PPM1L: variants seen among roughly 807,000 people sequenced by gnomAD.
PPM1L encodes the protein protein phosphatase 1L.
In PPM1L, 13 loss-of-function variants were observed where a neutral mutation model predicts 31.4. That is an observed-to-expected ratio of 0.41 (90% CI 0.27 to 0.66). The LOEUF is 0.66. Ranked by LOEUF, PPM1L falls within the 30% of genes least tolerant of loss-of-function variation. The pLI is 0.29. For missense variants in PPM1L, 326 were observed against 453.7 expected, an observed-to-expected ratio of 0.72 and a Z score of 2.56; for synonymous variants, 184 against 175.4, an observed-to-expected ratio of 1.05 and a Z score of -0.39.
rs1559897599 is a variant in PPM1L at position 160,945,019 on chromosome 3, T to TAAC, written c.400-16717_400-16716insAAC. 2.0e-4 allele frequency among the ~76,000 whole-genome samples: 9 copies of TAAC among 44,600 alleles called. 2 individuals are homozygous for TAAC. Among genetic ancestry groups the TAAC allele is most frequent in the African/African-American group, 4.2e-4 (7 of 16,610 alleles). 29.3% of individuals were successfully genotyped at this position (44,600 alleles called of 152,430 possible). A position where few individuals can be genotyped will look rare whatever the true frequency, so the allele number is the denominator to read the frequency against. ...TATATAACTATATATAACATATATA[T>TAAC]TATATATAACTATATATAACATATA... is the stretch of plus-strand genomic sequence containing the variant. On this transcript the variant is annotated intron_variant, in intron 1 of 3. Coordinates refer to ENST00000498165, the MANE Select transcript of PPM1L (RefSeq NM_139245.4).
intron 1 of PPM1L, among the ~76,000 whole-genome samples, chr3:160,778,832 G>A (rs763117407): frequency 5.9e-5 from 9 of 152,192 alleles, no homozygotes; most frequent in Non-Finnish European, 1.3e-4. Context: ...CAGAAAACCT[G>A]TCTTGAGAAC....
intron 1 of PPM1L, among the ~76,000 whole-genome samples, chr3:160,916,400 G>A (rs879762950): frequency 4.0e-5 from 6 of 151,896 alleles, no homozygotes; most frequent in South Asian, 2.1e-4. Flanking sequence ...TTTGACCACC[G>A]GAAATTATTA....
At chr3:160,760,333 T>C (rs1015324449) in intron 1 of PPM1L, among the ~76,000 whole-genome samples, 2 of 152,270 alleles carry the variant, frequency 1.3e-5, no homozygotes, top group Non-Finnish European at 2.9e-5. Flanking sequence ...TTAGTTCTCT[T>C]GAGCATATTT....
intron 2 of PPM1L, among the ~76,000 whole-genome samples, chr3:160,965,211 A>T (rs1056884486): frequency 1.4e-4 from 22 of 151,830 alleles, no homozygotes; most frequent in African/African-American, 5.3e-4. Flanking sequence ...AGATCGCGCC[A>T]CTGCACTCAA....
At chr3:160,996,493 C>G (rs1031720630) in intron 2 of PPM1L, among the ~76,000 whole-genome samples, 6 of 152,128 alleles carry the variant, frequency 3.9e-5, no homozygotes, top group African/African-American at 7.2e-5. Context: ...TCACAGCAAC[C>G]TGGATGGAAT....
intron 1 of PPM1L, among the ~76,000 whole-genome samples, chr3:160,891,542 G>C (rs1713142768): frequency 6.6e-6 from 1 of 152,192 alleles, no homozygotes; most frequent in African/African-American, 2.4e-5. Context: ...CTTTTACACT[G>C]TTGGTGGGAG....
At chr3:160,936,625 A>G (rs758829914) in intron 1 of PPM1L, among the ~76,000 whole-genome samples, 2 of 152,222 alleles carry the variant, frequency 1.3e-5, no homozygotes, top group Non-Finnish European at 2.9e-5. Context: ...TATGCCAGTT[A>G]GTTAATGGCA....
chr3:160,797,091 T>C (rs112102693), intron 1 of PPM1L, among the ~76,000 whole-genome samples: 1 of 152,178 alleles, frequency 6.6e-6, no homozygotes, highest in African/African-American at 2.4e-5. Flanking sequence ...TTTAAACAAA[T>C]TGAAGGTTCG....
intron 1 of PPM1L, among the ~76,000 whole-genome samples, chr3:160,920,381 C>A (rs140717160): frequency 1.1e-3 from 167 of 152,192 alleles, no homozygotes; most frequent in African/African-American, 3.9e-3. Flanking sequence ...CTTTCTTGGC[C>A]TTTTCTTTCA....
intron 1 of PPM1L, among the ~76,000 whole-genome samples, chr3:160,879,489 T>C (rs1220435776): frequency 6.6e-6 from 1 of 152,140 alleles, no homozygotes; most frequent in Non-Finnish European, 1.5e-5. Context: ...TTATGTTTTC[T>C]TTTTAGCGCT....
rs529940920 is a variant in PPM1L at position 160,786,496 on chromosome 3, G to T, written c.399+29789G>T. Among the ~76,000 whole-genome samples, 52 of 151,472 alleles carry T rather than the reference G, an allele frequency of 3.4e-4. 2 individuals are homozygous for T. In the South Asian group the frequency reaches 9.8e-3, roughly 29 times the overall value. ...GCCTCCCAAAGTGCTGGGATTACAG[G>T]TGTGAGCCACTGCGCCTGGCCTAAT... On this transcript the variant is annotated intron_variant, in intron 1 of 3. Transcript: ENST00000498165.
chr3:161,048,188 T>C (rs1719145086), intron 2 of PPM1L, among the ~76,000 whole-genome samples: 1 of 152,212 alleles, frequency 6.6e-6, no homozygotes, highest in Admixed American at 6.5e-5. Flanking sequence ...AATCTACTTA[T>C]CTGACAAAGG....
At chr3:160,773,407 G>A (rs1175273298) in intron 1 of PPM1L, among the ~76,000 whole-genome samples, 2 of 152,176 alleles carry the variant, frequency 1.3e-5, no homozygotes, top group African/African-American at 4.8e-5. Context: ...AAGGGAAAGG[G>A]GTGATTGGCC....
At chr3:160,868,863 A>G (rs562248233) in intron 1 of PPM1L, among the ~76,000 whole-genome samples, 2 of 152,350 alleles carry the variant, frequency 1.3e-5, no homozygotes, top group South Asian at 2.1e-4. Flanking sequence ...GAAGTCTCCT[A>G]TGCAACTGGA....
chr3:161,006,680 CTTT>C (rs1180679318), intron 2 of PPM1L, among the ~76,000 whole-genome samples: 17 of 118,866 alleles, frequency 1.4e-4, no homozygotes, highest in East Asian at 5.1e-4. Context: ...ACCGTCTTTC[CTTT>C]TTTTTTTTTT....
chr3:160,907,927 A>T (rs188520180), intron 1 of PPM1L, among the ~76,000 whole-genome samples: 2 of 152,312 alleles, frequency 1.3e-5, no homozygotes, highest in East Asian at 3.9e-4. Flanking sequence ...CCCTTGGCCA[A>T]ACCTACGAGA....
intron 1 of PPM1L, among the ~76,000 whole-genome samples, chr3:160,929,801 G>A (rs921490831): frequency 1.3e-5 from 2 of 152,190 alleles, no homozygotes; most frequent in Non-Finnish European, 2.9e-5. Context: ...TGTCCACAGG[G>A]AGCACTCATG....
chr3:161,077,362 G>A lies in PPM1L; in HGVS notation c.*8205G>A, dbSNP rs1245182985. 1.3e-5 allele frequency: 2 copies of A among 152,208 alleles called. No homozygotes were observed. The highest frequency in any genetic ancestry group is 2.9e-5 in the Non-Finnish European group (2 of 68,094). The allele number at this position is 152,208 out of a possible 1,614,324, so 9.4% of individuals were successfully genotyped here. A position where few individuals can be genotyped will look rare whatever the true frequency, so the allele number is the denominator to read the frequency against. ...CTCTGGGGACAAGGATAGGGGGGTG[G>A]GACTGTCCCAGTGGAGGGTGCCACT... On this transcript the variant is annotated 3_prime_UTR_variant, in exon 4 of 4. Transcript: ENST00000498165.
At chr3:161,039,712 G>C (rs953411336) in intron 2 of PPM1L, among the ~76,000 whole-genome samples, 1 of 151,944 alleles carries the variant, frequency 6.6e-6, no homozygotes, top group African/African-American at 2.4e-5. Context: ...TAATAGAGAC[G>C]GGTTTCACTG....
Sources: gnomAD v4.1 joint callset for allele counts (sites outside exome capture counted in the v4.1 genomes callset) on GRCh38, gnomAD v4.1.1 for gene constraint, MANE v1.5 for transcripts, NCBI Gene and HGNC (gene_info 2026-07-23, HGNC 2026-07-21) for gene names.